Variants in BNC2 observed in about 807,000 individuals in gnomAD.
BNC2 encodes basonuclin zinc finger protein 2.
BNC2 carries 20 observed loss-of-function variants against 76.3 expected under a neutral mutation model. That is an observed-to-expected ratio of 0.26 (90% CI 0.18 to 0.38). The LOEUF is 0.38. BNC2 is among the 10% of genes least tolerant of loss of function. The pLI is 1.00. For synonymous variants in BNC2, 582 were observed against 514.8 expected (o/e 1.13, Z -1.77); for missense variants, 1,382 against 1,399.8 (o/e 0.99, Z 0.20).
At position 16,663,128 on chromosome 9, in the gene BNC2, C is replaced by CTTTTTTTTTTTTTT. The variant is rs1220327938; in HGVS notation, c.330+64668_330+64669insAAAAAAAAAAAAAA. The stretch of plus-strand genomic sequence containing the variant: ...ATCCATAGGCACTCCACTCTGTTTA[C>CTTTTTTTTTTTTTT]TCTTTTTTTTTTTTTTTTGGAGACG... On this transcript the variant is annotated intron_variant, in intron 3 of 6. Coordinates refer to ENST00000380672, the MANE Select transcript of BNC2 (RefSeq NM_017637.6). Among the ~76,000 whole-genome samples the CTTTTTTTTTTTTTT allele has an allele frequency of 3.6e-3, 186 of 51,630 alleles. 8 individuals carry two copies. Among genetic ancestry groups the CTTTTTTTTTTTTTT allele is most frequent in the African/African-American group, 0.012 (173 of 14,552 alleles). The allele number at this position is 51,630 out of a possible 152,430, so 33.9% of individuals were successfully genotyped here. A position where few individuals can be genotyped will look rare whatever the true frequency, so the allele number is the denominator to read the frequency against.
intron 3 of BNC2, among the ~76,000 whole-genome samples, chr9:16,630,557 T>G (rs1821130704): frequency 6.6e-6 from 1 of 152,202 alleles, no homozygotes. Flanking sequence ...TTTACTCTTC[T>G]TAAATTCCAT....
intron 1 of BNC2, among the ~76,000 whole-genome samples, chr9:16,827,926 G>A (rs938651400): frequency 6.6e-6 from 1 of 152,162 alleles, no homozygotes; most frequent in African/African-American, 2.4e-5. Context: ...ATTGAGGCAT[G>A]TCTGTATTCT....
At position 16,437,224 on chromosome 9, in the gene BNC2, G is replaced by C. The variant is rs768538631; in HGVS notation, c.970C>G (p.Pro324Ala). The change falls in exon 6 of 7, where the codon CCA (proline) becomes GCA (alanine). Residue 324 changes from proline (P) to alanine (A), a missense_variant. By Grantham distance (27) the Pro-to-Ala change is conservative (BLOSUM62 -1). Coordinates refer to ENST00000380672, the MANE Select transcript of BNC2 (RefSeq NM_017637.6). ...NIPNSLAFLLPFQYINPVSAP... is the reference protein window; with the variant it reads ...NIPNSLAFLLAFQYINPVSAP... The stretch of plus-strand genomic sequence containing the variant: ...GAGACAGGGTTTATGTACTGGAATG[G>C]AAGCAGAAATGCAAGGCTGTTTGGG... 18 of 1,614,152 alleles carry C rather than the reference G, an allele frequency of 1.1e-5. No homozygotes were observed. The highest frequency in any genetic ancestry group is 1.5e-5 in the Non-Finnish European group (18 of 1,180,026).
chr9:16,725,307 T>C (rs1459906043), intron 3 of BNC2, among the ~76,000 whole-genome samples: 1 of 151,748 alleles, frequency 6.6e-6, no homozygotes, highest in East Asian at 1.9e-4. Context: ...ATATTAAATA[T>C]GAACAGCACA....
intron 1 of BNC2, among the ~76,000 whole-genome samples, chr9:16,821,048 C>T (rs940742490): frequency 6.6e-6 from 1 of 151,976 alleles, no homozygotes; most frequent in Non-Finnish European, 1.5e-5. Context: ...GCCTGGCCAA[C>T]ATGGTGAAAC....
chr9:16,791,211 G>A (rs1344697310), intron 1 of BNC2, among the ~76,000 whole-genome samples: 3 of 151,954 alleles, frequency 2.0e-5, no homozygotes, highest in Admixed American at 1.3e-4. Flanking sequence ...ACAGGCACCC[G>A]CCACCATGCC....
intron 3 of BNC2, among the ~76,000 whole-genome samples, chr9:16,670,426 C>T (rs1822441813): frequency 6.6e-6 from 1 of 152,244 alleles, no homozygotes; most frequent in African/African-American, 2.4e-5. Context: ...GTCATCTTCC[C>T]ACCTCTGCCT....
chr9:16,849,352 ATT>A (rs35561834), intron 1 of BNC2, among the ~76,000 whole-genome samples: 59 of 90,102 alleles, frequency 6.5e-4, no homozygotes, highest in Non-Finnish European at 7.4e-4. Flanking sequence ...CATGCAAAAG[ATT>A]TTTTTTTTTT....
At chr9:16,527,709 T>C (rs1817852720) in intron 5 of BNC2, among the ~76,000 whole-genome samples, 1 of 152,136 alleles carries the variant, frequency 6.6e-6, no homozygotes, top group Non-Finnish European at 1.5e-5. Flanking sequence ...AAAGATTATT[T>C]ATAAGCGAAT....
At chr9:16,434,804 A>G (rs1820971230) in intron 6 of BNC2, 2 of 455,782 alleles carry the variant, frequency 4.4e-6, no homozygotes, top group African/African-American at 4.0e-5. Flanking sequence ...GCTGATCCTC[A>G]AAGTATATGC....
intron 5 of BNC2, among the ~76,000 whole-genome samples, chr9:16,527,609 C>T (rs1294992982): frequency 2.6e-5 from 4 of 152,238 alleles, no homozygotes; most frequent in Non-Finnish European, 2.9e-5. Context: ...TTTCTGTGAA[C>T]GACAACTGAT....
chr9:16,634,626 C>T (rs899883834), intron 3 of BNC2, among the ~76,000 whole-genome samples: 17 of 151,840 alleles, frequency 1.1e-4, no homozygotes, highest in African/African-American at 3.4e-4. Flanking sequence ...CTCAGCCTTC[C>T]GAGTAGCTGG....
intron 2 of BNC2, among the ~76,000 whole-genome samples, chr9:16,729,742 C>T (rs1824453309): frequency 6.6e-6 from 1 of 152,074 alleles, no homozygotes; most frequent in Admixed American, 6.5e-5. Flanking sequence ...AGTGACTGTA[C>T]CTTTAGTGCT....
rs1413674260 is a variant in BNC2, at chr9:16,416,968, G to GA, written c.*2020dup. 1 of 152,362 alleles carries GA rather than the reference G, an allele frequency of 6.6e-6. No individual in the cohort carries two copies. Among genetic ancestry groups the GA allele is most frequent in the Non-Finnish European group, 1.5e-5 (1 of 67,978 alleles). 9.4% of individuals were successfully genotyped at this position (152,362 alleles called of 1,614,324 possible). A position where few individuals can be genotyped will look rare whatever the true frequency, so the allele number is the denominator to read the frequency against. ...ATAGAAAAAATAATTACAAAAACAT[G>GA]AAAAATGGAAACGACATAAAAGTTA... On this transcript the variant is annotated 3_prime_UTR_variant, in exon 7 of 7. Transcript: ENST00000380672.
At chr9:16,608,689 T>C (rs1192572490) in intron 3 of BNC2, among the ~76,000 whole-genome samples, 2 of 152,074 alleles carry the variant, frequency 1.3e-5, no homozygotes, top group Non-Finnish European at 2.9e-5. Context: ...CTCCCAGACA[T>C]ACACTTTACA....
At chr9:16,781,462 C>A (rs1826152727) in intron 1 of BNC2, among the ~76,000 whole-genome samples, 1 of 152,210 alleles carries the variant, frequency 6.6e-6, no homozygotes, top group Non-Finnish European at 1.5e-5. Context: ...CCTGCCTCAG[C>A]CACCCGAGCA....
intron 1 of BNC2, among the ~76,000 whole-genome samples, chr9:16,816,846 A>C (rs544406634): frequency 6.6e-6 from 1 of 152,270 alleles, no homozygotes; most frequent in Non-Finnish European, 1.5e-5. Context: ...CAATCTAGTA[A>C]TAAAAAGTAT....
At chr9:16,577,411 G>C (rs925873053) in intron 4 of BNC2, among the ~76,000 whole-genome samples, 1 of 151,998 alleles carries the variant, frequency 6.6e-6, no homozygotes, top group Middle Eastern at 3.4e-3. Context: ...TGCATATTAA[G>C]TCTTACAGTA....
At chr9:16,575,278 G>A in intron 4 of BNC2, 1 of 985,394 alleles carries the variant, frequency 1.0e-6, no homozygotes. Flanking sequence ...TTCACCCGAA[G>A]CGGGATACAG....
Sources: allele counts gnomAD v4.1 joint callset (sites outside exome capture counted in the v4.1 genomes callset), GRCh38; gene constraint gnomAD v4.1.1; transcripts MANE v1.5; gene names NCBI Gene and HGNC (gene_info 2026-07-23, HGNC 2026-07-21).